Variants in SGCZ observed in about 807,000 individuals in gnomAD.
SGCZ encodes the protein zeta-sarcoglycan.
A neutral mutation model predicts 41.3 loss-of-function variants in SGCZ; 40 were observed. The ratio of observed to expected loss-of-function variants is 0.97; its 90% CI spans 0.75 to 1.26. The LOEUF (loss-of-function observed/expected upper bound fraction) is 1.26. Among genes scored for constraint, SGCZ ranks in the 50% most tolerant of loss-of-function variants. The pLI, the probability that SGCZ is intolerant of heterozygous loss-of-function variation, is 0.00. For missense variants in SGCZ, 552 were observed against 369.8 expected (o/e 1.49, Z -4.04); for synonymous variants, 206 against 137.5 (o/e 1.50, Z -3.49).
intron 1 of SGCZ, among the ~76,000 whole-genome samples, chr8:14,692,183 A>G (rs531873570): frequency 4.0e-4 from 61 of 152,186 alleles, no homozygotes; most frequent in African/African-American, 1.4e-3. Context: ...AGTTAAATTG[A>G]TATATAAAAA....
intron 1 of SGCZ, among the ~76,000 whole-genome samples, chr8:14,893,985 C>T (rs547265737): frequency 3.4e-4 from 51 of 152,182 alleles, no homozygotes; most frequent in African/African-American, 1.1e-3. Context: ...TAACCCAGGG[C>T]AGAAGTGATA....
At chr8:14,405,425 A>AT (rs369121600) in intron 2 of SGCZ, among the ~76,000 whole-genome samples, 239 of 152,232 alleles carry the variant, frequency 1.6e-3, no homozygotes, top group African/African-American at 5.5e-3. Flanking sequence ...ACATCAGATT[A>AT]TTTTTTTACT....
chr8:14,391,525 A>T (rs1255080778), intron 2 of SGCZ, among the ~76,000 whole-genome samples: 1 of 152,108 alleles, frequency 6.6e-6, no homozygotes, highest in Non-Finnish European at 1.5e-5. Context: ...AGGGAGTACT[A>T]TGTTCAGGGG....
rs557668135 is a variant in SGCZ, at chr8:15,204,506, C to G, written c.39+33079G>C. Among the ~76,000 whole-genome samples, 13 of 152,276 alleles carry G rather than the reference C, an allele frequency of 8.5e-5. No individual in the cohort carries two copies. The South Asian group carries it at 2.7e-3, about 32-fold the overall frequency. On this transcript the variant is annotated intron_variant, in intron 1 of 7. Transcript: ENST00000382080. ...CAGCTTACTTTCTTCCTAAAAATGA[C>G]TCAAAATTTTGGGCATTCTGCTTCA...
intron 1 of SGCZ, among the ~76,000 whole-genome samples, chr8:14,911,106 T>C (rs555209373): frequency 2.0e-5 from 3 of 152,158 alleles, no homozygotes; most frequent in African/African-American, 7.2e-5. Flanking sequence ...AAAAGAAGCA[T>C]TTTGACTCCT....
intron 3 of SGCZ, among the ~76,000 whole-genome samples, chr8:14,287,130 C>T (rs2410172): frequency 0.93 from 141,357 of 151,666 alleles, 66,606 homozygotes; most frequent in East Asian, 1. Flanking sequence ...TCAAATAGCA[C>T]ATACAGTATT....
intron 1 of SGCZ, among the ~76,000 whole-genome samples, chr8:14,642,703 T>C (rs1353189257): frequency 6.6e-6 from 1 of 151,616 alleles, no homozygotes; most frequent in East Asian, 1.9e-4. Flanking sequence ...TGGTCTTTTT[T>C]GTAATGTAAA....
intron 1 of SGCZ, among the ~76,000 whole-genome samples, chr8:14,897,243 A>C (rs1805234584): frequency 6.6e-6 from 1 of 152,220 alleles, no homozygotes; most frequent in Non-Finnish European, 1.5e-5. Context: ...TGGTGAATAT[A>C]ATTAATAATT....
chr8:14,408,236 G>C lies in SGCZ; in HGVS notation c.235-84032C>G, dbSNP rs75482575. ...ATATAGGGCACCAAAGGGAACTGCT[G>C]TATTTGCAGTTTTGGTCTTTGCAGA... On this transcript the variant is annotated intron_variant, in intron 2 of 7. Coordinates refer to ENST00000382080, the MANE Select transcript of SGCZ (RefSeq NM_139167.4). 4.7e-3 allele frequency among the ~76,000 whole-genome samples: 722 copies of C among 152,236 alleles called. 6 individuals carry two copies. Among genetic ancestry groups the C allele is most frequent in the African/African-American group, 0.015 (643 of 41,548 alleles).
intron 4 of SGCZ, among the ~76,000 whole-genome samples, chr8:14,212,444 C>T (rs1805840992): frequency 9.2e-6 from 1 of 109,162 alleles, no homozygotes; most frequent in South Asian, 2.8e-4. Flanking sequence ...TCAAAGAGAA[C>T]AACCAACAAA....
At chr8:14,557,991 C>T (rs1095402) in intron 1 of SGCZ, among the ~76,000 whole-genome samples, 151,817 of 152,220 alleles carry the variant, frequency 1, 75,712 homozygotes, top group Non-Finnish European at 1. Context: ...AGACAATACA[C>T]CTGACATCAC....
chr8:15,044,710 TTAATTAGGAGTTAATGA>T (rs1406441289), intron 1 of SGCZ, among the ~76,000 whole-genome samples: 2 of 151,918 alleles, frequency 1.3e-5, no homozygotes, highest in Non-Finnish European at 2.9e-5. Context: ...AGATGGAGGG[TTAATTAGGAGTTAATGA>T]TGATTAGGAG....
intron 1 of SGCZ, among the ~76,000 whole-genome samples, chr8:15,007,080 G>T (rs1802630920): frequency 6.6e-6 from 1 of 152,136 alleles, no homozygotes; most frequent in East Asian, 1.9e-4. Context: ...CACAAAAATT[G>T]AAGGACTGAG....
At chr8:14,265,123 C>A (rs1317980416) in intron 3 of SGCZ, among the ~76,000 whole-genome samples, 2 of 152,090 alleles carry the variant, frequency 1.3e-5, no homozygotes, top group East Asian at 3.9e-4. Flanking sequence ...AATAAGGCAC[C>A]AGAGACCAAC....
chr8:14,882,328 T>C (rs1258919967), intron 1 of SGCZ, among the ~76,000 whole-genome samples: 1 of 151,454 alleles, frequency 6.6e-6, no homozygotes, highest in Non-Finnish European at 1.5e-5. Context: ...TTATATGCAT[T>C]TAAAAAAATA....
At chr8:14,371,323 T>G (rs1306785044) in intron 2 of SGCZ, among the ~76,000 whole-genome samples, 1 of 152,138 alleles carries the variant, frequency 6.6e-6, no homozygotes, top group Middle Eastern at 3.4e-3. Context: ...TCTTTGTGTA[T>G]GCAAGCCAGT....
intron 1 of SGCZ, among the ~76,000 whole-genome samples, chr8:15,046,603 G>A (rs1804310304): frequency 1.3e-5 from 2 of 151,924 alleles, no homozygotes; most frequent in South Asian, 2.1e-4. Context: ...TTTCCCTGAT[G>A]CCCCAGTCCA....
intron 2 of SGCZ, among the ~76,000 whole-genome samples, chr8:14,505,179 A>AT (rs964909503): frequency 2.0e-5 from 3 of 151,606 alleles, no homozygotes; most frequent in Non-Finnish European, 2.9e-5. Flanking sequence ...TATAGAAAAT[A>AT]TTTTTTTTCA....
At chr8:14,263,785 G>A (rs1799763851) in intron 3 of SGCZ, among the ~76,000 whole-genome samples, 1 of 152,082 alleles carries the variant, frequency 6.6e-6, no homozygotes, top group South Asian at 2.1e-4. Context: ...AATGAAGAGG[G>A]CAAGAAGGAC....
Sources: gnomAD v4.1 joint callset for allele counts (sites outside exome capture counted in the v4.1 genomes callset) on GRCh38, gnomAD v4.1.1 for gene constraint, MANE v1.5 for transcripts, NCBI Gene and HGNC (gene_info 2026-07-23, HGNC 2026-07-21) for gene names.